The following VIPR2 variants were observed in gnomAD, a reference collection of about 807,000 sequenced individuals.
VIPR2 encodes vasoactive intestinal polypeptide receptor 2.
Under a neutral mutation model 58.0 loss-of-function variants are expected in VIPR2, and 48 were observed. That is an observed-to-expected ratio of 0.83 (90% confidence interval 0.66 to 1.05). The LOEUF is 1.05. Ranked by LOEUF, VIPR2 falls within the 50% of genes least tolerant of loss-of-function variation. The pLI, the probability that VIPR2 is intolerant of heterozygous loss-of-function variation, is 0.00. For missense variants in VIPR2, 534 were observed against 558.0 expected (o/e 0.96, Z 0.43); for synonymous variants, 243 against 235.2 (o/e 1.03, Z -0.30).
rs1461392737 is a variant in VIPR2, at chr7:159,106,922, GA to G, written c.259+2889del. The stretch of plus-strand genomic sequence containing the variant: ...CAGGGAGGTGCAGAAAGAGGCCAGG[GA>G]GGTGCAGAGAGATCAGGGAGGTACA... On this transcript the variant is annotated intron_variant, in intron 3 of 12. Coordinates refer to ENST00000262178, the MANE Select transcript of VIPR2 (RefSeq NM_003382.5). Among the ~76,000 whole-genome samples, 4 of 150,750 alleles carry G rather than the reference GA, an allele frequency of 2.7e-5. No homozygotes were observed. The South Asian group carries it at 8.5e-4, about 32-fold the overall frequency.
chr7:159,036,997 T>C, intron 6 of VIPR2, 95 bp from the exon 7 acceptor site: 4 of 1,436,760 alleles, frequency 2.8e-6, no homozygotes, highest in Non-Finnish European at 3.8e-6. Flanking sequence ...GGGCGCTTGG[T>C]ATCTGTGCAA....
At chr7:159,132,520 GA>G (rs1389938402) in intron 2 of VIPR2, among the ~76,000 whole-genome samples, 2 of 152,370 alleles carry the variant, frequency 1.3e-5, no homozygotes, top group Non-Finnish European at 2.9e-5. Context: ...GGGTTCATCA[GA>G]ATCCATGGAG....
chr7:159,131,291 CTT>C (rs1410193915), intron 2 of VIPR2, among the ~76,000 whole-genome samples: 2 of 151,186 alleles, frequency 1.3e-5, no homozygotes, highest in Non-Finnish European at 2.9e-5. Context: ...CCCCCAAACT[CTT>C]TATGCCAAAG....
At chr7:159,083,489 C>T (rs531119646) in intron 4 of VIPR2, among the ~76,000 whole-genome samples, 184 of 152,334 alleles carry the variant, frequency 1.2e-3, no homozygotes, top group African/African-American at 4.3e-3. Context: ...TCCACCTTTC[C>T]ATAAATATCT....
At chr7:159,094,860 A>G (rs1446806731) in intron 4 of VIPR2, among the ~76,000 whole-genome samples, 1 of 152,234 alleles carries the variant, frequency 6.6e-6, no homozygotes, top group South Asian at 2.1e-4. Flanking sequence ...GGAGCTTTTT[A>G]TCCCATTGAG....
At chr7:159,083,501 C>T (rs1240968274) in intron 4 of VIPR2, among the ~76,000 whole-genome samples, 2 of 152,188 alleles carry the variant, frequency 1.3e-5, no homozygotes, top group African/African-American at 2.4e-5. Context: ...TAAATATCTG[C>T]CCTGGAGTGA....
rs568837961 is a variant in VIPR2 at position 159,028,181 on chromosome 7, T to G, written c.*2435A>C. 6.6e-6 allele frequency: 1 copy of G among 152,548 alleles called. No individual in the cohort carries two copies. The highest frequency in any genetic ancestry group is 2.4e-5 in the African/African-American group (1 of 41,596). 9.4% of individuals were successfully genotyped at this position (152,548 alleles called of 1,614,324 possible). On this transcript the variant is annotated 3_prime_UTR_variant, in exon 13 of 13. Coordinates refer to ENST00000262178, the MANE Select transcript of VIPR2 (RefSeq NM_003382.5). ...AGCAAGTTCTTACTCAGCATGCAGA[T>G]GTGAAGTCAGGCTTTATTGAAGTAT...
chr7:159,131,839 C>T (rs1796926229), intron 2 of VIPR2, among the ~76,000 whole-genome samples: 2 of 152,202 alleles, frequency 1.3e-5, no homozygotes, highest in Admixed American at 1.3e-4. Flanking sequence ...ATTACCTCAA[C>T]CTTGACTGAT....
chr7:159,064,144 G>C (rs1201620088), intron 4 of VIPR2, among the ~76,000 whole-genome samples: 9 of 152,028 alleles, frequency 5.9e-5, no homozygotes, highest in Non-Finnish European at 1.3e-4. Context: ...GGCGTGGGTG[G>C]GCGCGGAGGG....
intron 2 of VIPR2, among the ~76,000 whole-genome samples, chr7:159,140,178 A>G (rs2129498227): frequency 6.6e-6 from 1 of 152,092 alleles, no homozygotes; most frequent in South Asian, 2.1e-4. Context: ...GATTTTTTTC[A>G]CCTCATTTCT....
intron 2 of VIPR2, among the ~76,000 whole-genome samples, chr7:159,136,211 G>C (rs1354200858): frequency 6.6e-6 from 1 of 152,174 alleles, no homozygotes; most frequent in African/African-American, 2.4e-5. Context: ...AGGGTTCCCA[G>C]GTGGCACAGG....
At chr7:159,054,141 G>A (rs974236302) in intron 5 of VIPR2, among the ~76,000 whole-genome samples, 2 of 152,080 alleles carry the variant, frequency 1.3e-5, no homozygotes, top group Non-Finnish European at 2.9e-5. Context: ...ACCCGCTCCC[G>A]GACAACGGGA....
At chr7:159,143,341 C>A (rs886624441) in intron 1 of VIPR2, among the ~76,000 whole-genome samples, 4 of 152,176 alleles carry the variant, frequency 2.6e-5, no homozygotes, top group African/African-American at 9.7e-5. Flanking sequence ...AGGGCTCCCC[C>A]CACCCATCCT....
At chr7:159,055,342 G>C (rs2730259) in intron 5 of VIPR2, among the ~76,000 whole-genome samples, 1 of 152,132 alleles carries the variant, frequency 6.6e-6, no homozygotes, top group African/African-American at 2.4e-5. Context: ...AGGGTCCCTG[G>C]TGAGAGTTGT....
At chr7:159,140,347 G>A (rs113504184) in intron 2 of VIPR2, among the ~76,000 whole-genome samples, 1 of 152,178 alleles carries the variant, frequency 6.6e-6, no homozygotes, top group African/African-American at 2.4e-5. Flanking sequence ...GCCTCAGCCT[G>A]TAGATTCCGG....
intron 6 of VIPR2, among the ~76,000 whole-genome samples, chr7:159,037,415 C>T (rs952285025): frequency 5.3e-5 from 8 of 152,244 alleles, no homozygotes; most frequent in African/African-American, 7.2e-5. Flanking sequence ...GAACAGAACA[C>T]GAGTGCAGGT....
chr7:159,115,545 T>C (rs937082120), intron 2 of VIPR2, among the ~76,000 whole-genome samples: 22 of 152,270 alleles, frequency 1.4e-4, no homozygotes, highest in Admixed American at 1.3e-3. Flanking sequence ...CCCAAAGTCA[T>C]GGTCAGGGCT....
chr7:159,081,243 C>T (rs1164390813), intron 4 of VIPR2, among the ~76,000 whole-genome samples: 2 of 152,146 alleles, frequency 1.3e-5, no homozygotes, highest in Non-Finnish European at 2.9e-5. Context: ...GTAACCAAAA[C>T]AGCATGGTAC....
intron 4 of VIPR2, among the ~76,000 whole-genome samples, chr7:159,090,805 G>A (rs1407081303): frequency 1.1e-5 from 1 of 91,578 alleles, no homozygotes; most frequent in Non-Finnish European, 2.2e-5. Context: ...CCTCGGCACA[G>A]ACACGCTGGG....
Sources: gnomAD v4.1 joint callset for allele counts (sites outside exome capture counted in the v4.1 genomes callset) on GRCh38, gnomAD v4.1.1 for gene constraint, MANE v1.5 for transcripts, NCBI Gene and HGNC (gene_info 2026-07-23, HGNC 2026-07-21) for gene names.